Variants in DHRSX observed in about 807,000 individuals in gnomAD.
DHRSX encodes dehydrogenase/reductase X-linked, also known as polyprenol dehydrogenase.
Under a neutral mutation model 34.0 loss-of-function variants are expected in DHRSX, and 31 were observed. The observed-to-expected ratio is 0.91, with a 90% CI of 0.69 to 1.23. DHRSX has a LOEUF of 1.23. DHRSX is among the 50% of genes most tolerant of loss of function. The pLI, the probability that DHRSX is intolerant of heterozygous loss-of-function variation, is 0.00. For missense variants in DHRSX, 414 were observed against 428.1 expected, an observed-to-expected ratio of 0.97 and a Z score of 0.29; for synonymous variants, 201 against 183.8, an observed-to-expected ratio of 1.09 and a Z score of -0.76.
intron 3 of DHRSX, 104 bp from the exon 4 acceptor site, chrX:2,291,707 CACT>C: frequency 5.0e-6 from 4 of 802,518 alleles, no homozygotes; most frequent in East Asian, 4.9e-5. Context: ...TAGGAAGTAA[CACT>C]TTTTTTTTTT....
chrX:2,274,210 G>T lies in DHRSX; in HGVS notation c.389-7263C>A, dbSNP rs767164537. Among the ~76,000 whole-genome samples, 921 of 151,380 alleles carry T rather than the reference G, an allele frequency of 6.1e-3. 19 individuals carry two copies. The highest frequency in any genetic ancestry group is 0.021 in the African/African-American group (873 of 41,230). ...CTGCCCCGATGGCCAGCTATTTTTTGTATTTTTAGTAGAGACGGGGTTTCA... is the reference window on the plus strand; with the variant it reads ...CTGCCCCGATGGCCAGCTATTTTTTTTATTTTTAGTAGAGACGGGGTTTCA... On this transcript the variant is annotated intron_variant, in intron 4 of 6. Transcript: ENST00000334651.
chrX:2,416,062 C>A (rs919384250), intron 2 of DHRSX, among the ~76,000 whole-genome samples: 1 of 151,214 alleles, frequency 6.6e-6, no homozygotes, highest in African/African-American at 2.4e-5. Context: ...CCAACCGGAC[C>A]TCCTCATAAC....
chrX:2,282,577 AGGGAGAGAGAGAAGAAAGAG>A (rs1202820883), intron 4 of DHRSX, among the ~76,000 whole-genome samples: 1 of 91,872 alleles, frequency 1.1e-5, no homozygotes, highest in Non-Finnish European at 2.9e-5. Flanking sequence ...GGAAACAGAA[AGGGAGAGAGAGAAGAAAGAG>A]GGGAGAGAGA....
At chrX:2,244,284 G>A (rs1235441512) in intron 5 of DHRSX, among the ~76,000 whole-genome samples, 3 of 140,476 alleles carry the variant, frequency 2.1e-5, no homozygotes, top group Admixed American at 1.5e-4. Flanking sequence ...CGATAACCGC[G>A]GTAAAGTGAG....
intron 1 of DHRSX, among the ~76,000 whole-genome samples, chrX:2,426,748 T>C (rs1569499939): frequency 1.4e-5 from 2 of 147,884 alleles, no homozygotes; most frequent in African/African-American, 5.0e-5. Context: ...TTTCCTTCCT[T>C]CCTTCCCTTC....
intron 1 of DHRSX, among the ~76,000 whole-genome samples, chrX:2,451,342 G>A (rs1162625101): frequency 6.6e-6 from 1 of 151,752 alleles, no homozygotes; most frequent in African/African-American, 2.4e-5. Flanking sequence ...CACCTTCAAA[G>A]GTTTCTTTCC....
chrX:2,394,854 A>G (rs753669709), intron 3 of DHRSX, among the ~76,000 whole-genome samples: 7 of 150,794 alleles, frequency 4.6e-5, no homozygotes, highest in African/African-American at 1.7e-4. Context: ...CAACACAGTG[A>G]GACTCCGTCT....
chrX:2,309,378 G>C (rs938257420), intron 3 of DHRSX, among the ~76,000 whole-genome samples: 5 of 152,046 alleles, frequency 3.3e-5, no homozygotes, highest in African/African-American at 9.7e-5. Flanking sequence ...GGCAGGAATT[G>C]CTTGATGAGT....
At chrX:2,462,060 A>G (rs910422664) in intron 1 of DHRSX, among the ~76,000 whole-genome samples, 3 of 152,134 alleles carry the variant, frequency 2.0e-5, no homozygotes, top group Non-Finnish European at 4.4e-5. Flanking sequence ...TAATATTAAC[A>G]CAGATTACTG....
chrX:2,360,453 C>A (rs189946390), intron 3 of DHRSX, among the ~76,000 whole-genome samples: 20 of 151,858 alleles, frequency 1.3e-4, no homozygotes, highest in African/African-American at 4.4e-4. Context: ...TGTGGTGGTG[C>A]GTGCCTGTAA....
At chrX:2,362,726 G>A (rs192440559) in intron 3 of DHRSX, among the ~76,000 whole-genome samples, 2 of 151,784 alleles carry the variant, frequency 1.3e-5, no homozygotes, top group African/African-American at 4.8e-5. Context: ...TTGAGATCAT[G>A]CCGCCATTTT....
At chrX:2,319,520 G>A (rs913518106) in intron 3 of DHRSX, among the ~76,000 whole-genome samples, 1 of 135,850 alleles carries the variant, frequency 7.4e-6, no homozygotes, top group African/African-American at 2.8e-5. Context: ...TCCAGCCTCG[G>A]TGACAGAGTG....
chrX:2,453,590 T>C (rs1172701802), intron 1 of DHRSX, among the ~76,000 whole-genome samples: 1 of 152,122 alleles, frequency 6.6e-6, no homozygotes, highest in Non-Finnish European at 1.5e-5. Flanking sequence ...GAGGGTCACC[T>C]GAGCCATGAC....
chrX:2,297,063 G>T, intron 3 of DHRSX, among the ~76,000 whole-genome samples: 1 of 152,346 alleles, frequency 6.6e-6, no homozygotes, highest in African/African-American at 2.4e-5. Flanking sequence ...GGCACTGCAA[G>T]CTGTGAGCAT....
intron 6 of DHRSX, among the ~76,000 whole-genome samples, chrX:2,241,721 C>T (rs1286937306): frequency 6.6e-6 from 1 of 152,078 alleles, no homozygotes; most frequent in African/African-American, 2.4e-5. Context: ...CCAGCCTGGT[C>T]AGCGTGATGA....
At chrX:2,276,853 CAAACGAGAGGGAGAGAGAAGGAGGGGAGG>C (rs2041666591) in intron 4 of DHRSX, among the ~76,000 whole-genome samples, 1 of 109,076 alleles carries the variant, frequency 9.2e-6, no homozygotes, top group African/African-American at 3.6e-5. Flanking sequence ...AGAGGGAGGG[CAAACGAGAGGGAGAGAGAAGGAGGGGAGG>C]AAATAGGGGA....
intron 4 of DHRSX, among the ~76,000 whole-genome samples, chrX:2,283,791 T>G (rs1157802637): frequency 6.6e-6 from 1 of 152,276 alleles, no homozygotes; most frequent in Non-Finnish European, 1.5e-5. Context: ...TTTGAATTCA[T>G]TCCTTCTTTT....
intron 6 of DHRSX, among the ~76,000 whole-genome samples, chrX:2,237,681 T>C (rs1223798670): frequency 6.6e-6 from 1 of 151,956 alleles, no homozygotes; most frequent in Non-Finnish European, 1.5e-5. Flanking sequence ...ATTTCTGTAT[T>C]TTTAGTAGAG....
chrX:2,448,564 T>G (rs866974360), intron 1 of DHRSX, among the ~76,000 whole-genome samples: 2 of 150,768 alleles, frequency 1.3e-5, no homozygotes, highest in African/African-American at 4.9e-5. Flanking sequence ...TTAGCTTGAT[T>G]GTTAATGTGT....
Sources: allele counts gnomAD v4.1 joint callset (sites outside exome capture counted in the v4.1 genomes callset), GRCh38; gene constraint gnomAD v4.1.1; transcripts MANE v1.5; gene names NCBI Gene and HGNC (gene_info 2026-07-23, HGNC 2026-07-21).